The following CALN1 variants were observed in gnomAD, a reference collection of about 807,000 sequenced individuals.
The protein encoded by CALN1 is calcium-binding protein 8.
In CALN1, 17 loss-of-function variants were observed where a neutral mutation model predicts 30.6. The ratio of observed to expected loss-of-function variants is 0.56; its 90% CI spans 0.38 to 0.83. The LOEUF is 0.83. Among genes scored for constraint, CALN1 ranks in the 40% least tolerant of loss-of-function variants. The probability of loss-of-function intolerance (pLI) is 0.00; values close to 1 mark genes in which losing one functional copy is unlikely to be tolerated. For missense variants in CALN1, 291 were observed against 354.9 expected, an observed-to-expected ratio of 0.82 and a Z score of 1.45; for synonymous variants, 156 against 131.4, an observed-to-expected ratio of 1.19 and a Z score of -1.28.
chr7:72,319,414 C>T (rs1345882979), intron 2 of CALN1, among the ~76,000 whole-genome samples: 4 of 152,278 alleles, frequency 2.6e-5, no homozygotes, highest in African/African-American at 9.6e-5. Context: ...CCTCATGAGA[C>T]TTATTCGCTA....
rs1322396473 is a variant in CALN1 at position 72,412,162 on chromosome 7, T to C, written c.-178A>G. 1 of 152,610 alleles carries C rather than the reference T, an allele frequency of 6.6e-6. No homozygotes were observed. The highest frequency in any genetic ancestry group is 2.4e-5 in the African/African-American group (1 of 41,242). 9.5% of individuals were successfully genotyped at this position (152,610 alleles called of 1,614,324 possible). On this transcript the variant is annotated 5_prime_UTR_variant, in exon 1 of 7. Coordinates refer to ENST00000395275, the MANE Select transcript of CALN1 (RefSeq NM_031468.4). ...TGTTACAGCTCTTAAAGATGGCGCG[T>C]CCGGAGTCGTCTGCTCCTCCCGGTG...
rs1802474609 is a variant in CALN1 at position 72,046,418 on chromosome 7, T to G, written c.389-22649A>C. On this transcript the variant is annotated intron_variant, in intron 4 of 6. Coordinates refer to ENST00000395275, the MANE Select transcript of CALN1 (RefSeq NM_031468.4). Reference sequence around the variant, plus strand: ...ACCATGCCTAATTCATTTTTTAATTTTTTTGTAGAGAGGCTGGGTGTGGTG... The same window carrying G: ...ACCATGCCTAATTCATTTTTTAATTGTTTTGTAGAGAGGCTGGGTGTGGTG... Among the ~76,000 whole-genome samples the G allele has an allele frequency of 2.0e-5, 3 of 151,794 alleles. No homozygotes were observed. In the South Asian group the frequency reaches 6.2e-4, roughly 32 times the overall value.
chr7:72,255,227 A>G (rs996217634), intron 3 of CALN1, among the ~76,000 whole-genome samples: 5 of 151,762 alleles, frequency 3.3e-5, no homozygotes, highest in Admixed American at 1.3e-4. Flanking sequence ...CAGGGATTAC[A>G]GGTGCCCGCC....
intron 3 of CALN1, among the ~76,000 whole-genome samples, chr7:72,138,974 T>G (rs532670582): frequency 6.6e-6 from 1 of 152,354 alleles, no homozygotes; most frequent in Admixed American, 6.5e-5. Flanking sequence ...AAGCTTGCAA[T>G]GCCATCATCT....
the CALN1 span, among the ~76,000 whole-genome samples, chr7:72,502,832 TC>T: frequency 6.6e-6 from 1 of 152,174 alleles, no homozygotes; most frequent in Admixed American, 6.5e-5. Flanking sequence ...CTCATTTTTT[TC>T]CTTTGCTTGT....
chr7:72,186,836 C>T (rs758941866), intron 3 of CALN1, among the ~76,000 whole-genome samples: 1 of 146,306 alleles, frequency 6.8e-6, no homozygotes, highest in Non-Finnish European at 1.5e-5. Flanking sequence ...TGTTAATTCT[C>T]TGACTTTGCT....
chr7:71,955,954 A>G (rs755527207), intron 5 of CALN1, among the ~76,000 whole-genome samples: 8 of 151,146 alleles, frequency 5.3e-5, no homozygotes, highest in South Asian at 2.1e-4. Flanking sequence ...AAAGCCCCCA[A>G]CCGAGATAGT....
At chr7:71,799,012 C>A (rs918420299) in intron 6 of CALN1, among the ~76,000 whole-genome samples, 2 of 152,078 alleles carry the variant, frequency 1.3e-5, no homozygotes, top group Admixed American at 6.6e-5. Context: ...GCTCCCACCC[C>A]CTGCATTTGG....
At chr7:72,106,866 A>G (rs113807643) in intron 3 of CALN1, among the ~76,000 whole-genome samples, 7,158 of 89,850 alleles carry the variant, frequency 0.08, 1,449 homozygotes, top group Non-Finnish European at 0.14. Context: ...GGAAGGAGGA[A>G]GGAAGGAAGG....
chr7:71,894,839 T>C (rs755344841), intron 5 of CALN1, among the ~76,000 whole-genome samples: 2 of 152,262 alleles, frequency 1.3e-5, no homozygotes, highest in Non-Finnish European at 2.9e-5. Context: ...TTATTAAGGT[T>C]ATTCCTGTGT....
At chr7:72,097,961 G>T (rs1408641969) in intron 4 of CALN1, among the ~76,000 whole-genome samples, 1 of 152,144 alleles carries the variant, frequency 6.6e-6, no homozygotes, top group Non-Finnish European at 1.5e-5. Flanking sequence ...TGATCCACCC[G>T]CCTCGGCCTC....
At chr7:71,859,188 A>G (rs949602040) in intron 5 of CALN1, among the ~76,000 whole-genome samples, 2 of 151,954 alleles carry the variant, frequency 1.3e-5, no homozygotes, top group Non-Finnish European at 2.9e-5. Flanking sequence ...TCAGCCTCCC[A>G]AGTAGCTGGG....
intron 3 of CALN1, among the ~76,000 whole-genome samples, chr7:72,142,457 TA>T (rs537549334): frequency 2.0e-5 from 3 of 151,778 alleles, no homozygotes; most frequent in East Asian, 1.9e-4. Context: ...CTTGAGTAGG[TA>T]AAAAAAGTGG....
chr7:72,473,492 C>T, the CALN1 span, among the ~76,000 whole-genome samples: 158 of 152,088 alleles, frequency 1.0e-3, no homozygotes, highest in African/African-American at 3.5e-3. Context: ...ATATCACCAT[C>T]GAAGTATAAT....
rs555162260 is a variant in CALN1, at chr7:71,841,553, G to A, written c.502-31061C>T. On this transcript the variant is annotated intron_variant, in intron 5 of 6. Coordinates refer to ENST00000395275, the MANE Select transcript of CALN1 (RefSeq NM_031468.4). ...CATTCTACCTAAGACACTCACACTT[G>A]TATGTTCATTGCAGCACTATTCACA... Among the ~76,000 whole-genome samples the A allele has an allele frequency of 9.2e-5, 14 of 152,276 alleles. 2 individuals are homozygous for A. The South Asian group carries it at 2.9e-3, about 32-fold the overall frequency.
intron 4 of CALN1, among the ~76,000 whole-genome samples, chr7:72,042,160 ATTAAGG>A (rs1802171245): frequency 6.6e-6 from 1 of 152,174 alleles, no homozygotes; most frequent in African/African-American, 2.4e-5. Context: ...CATTGGAGAA[ATTAAGG>A]TTAAATTGTC....
chr7:72,347,458 G>A (rs1802707437), intron 2 of CALN1, among the ~76,000 whole-genome samples: 1 of 151,970 alleles, frequency 6.6e-6, no homozygotes, highest in Non-Finnish European at 1.5e-5. Context: ...TAGAGACGGG[G>A]TTTCTCTATG....
At chr7:72,140,276 AAGAGAG>A (rs71069028) in intron 3 of CALN1, among the ~76,000 whole-genome samples, 67,321 of 119,746 alleles carry the variant, frequency 0.56, 18,823 homozygotes, top group East Asian at 0.71. Flanking sequence ...GTCTCAAAAT[AAGAGAG>A]AGAGAGAGAG....
intron 4 of CALN1, among the ~76,000 whole-genome samples, chr7:72,101,612 G>A (rs1194444669): frequency 1.3e-5 from 2 of 152,100 alleles, no homozygotes; most frequent in African/African-American, 2.4e-5. Context: ...TGCACTTGGC[G>A]GTTGGCCCTA....
Sources: allele counts gnomAD v4.1 joint callset (sites outside exome capture counted in the v4.1 genomes callset), GRCh38; gene constraint gnomAD v4.1.1; transcripts MANE v1.5; gene names NCBI Gene and HGNC (gene_info 2026-07-23, HGNC 2026-07-21).